The following NAV1 variants were observed in gnomAD, a reference collection of about 807,000 sequenced individuals.
NAV1 encodes the protein neuron navigator 1, also known as pore membrane and/or filament interacting like protein 3.
A neutral mutation model predicts 175.2 loss-of-function variants in NAV1; 18 were observed. The observed-to-expected ratio is 0.10, with a 90% CI of 0.07 to 0.15. The LOEUF is 0.15. Among genes scored for constraint, NAV1 ranks in the 10% least tolerant of loss-of-function variants. The pLI, the probability that NAV1 is intolerant of heterozygous loss-of-function variation, is 1.00. For synonymous variants in NAV1, 897 were observed against 978.7 expected, an observed-to-expected ratio of 0.92 and a Z score of 1.56; for missense variants, 1,731 against 2,436.6, an observed-to-expected ratio of 0.71 and a Z score of 6.10.
intron 1 of NAV1, among the ~76,000 whole-genome samples, chr1:201,667,577 T>G (rs1334270399): frequency 6.6e-6 from 1 of 152,202 alleles, no homozygotes; most frequent in Non-Finnish European, 1.5e-5. Context: ...TCTTGGTTCT[T>G]ATTTTAGACA....
At position 201,812,392 on chromosome 1, in the gene NAV1, G is replaced by T; in HGVS notation, c.5025-73G>T. On this transcript the variant is annotated intron_variant, in intron 26 of 29. Coordinates refer to ENST00000367296, the Ensembl canonical transcript of NAV1. The surrounding 1 kb of genome is among the most constrained non-coding windows in gnomAD (Gnocchi z 4.6). ...TGAGAAGCAGGCAGAAGGAGGGACAGACTGGCAGGGGCTGAACCCTGACAA... is the reference window on the plus strand; with the variant it reads ...TGAGAAGCAGGCAGAAGGAGGGACATACTGGCAGGGGCTGAACCCTGACAA... The T allele has an allele frequency of 6.8e-7, 1 of 1,460,626 alleles. No homozygotes were observed. The highest frequency in any genetic ancestry group is 1.2e-5 in the South Asian group (1 of 83,762). The allele number at this position is 1,460,626 out of a possible 1,614,324, so 90.5% of individuals were successfully genotyped here. A position where few individuals can be genotyped will look rare whatever the true frequency, so the allele number is the denominator to read the frequency against.
chr1:201,707,385 T>C (rs1325890387), intron 1 of NAV1, among the ~76,000 whole-genome samples: 1 of 152,172 alleles, frequency 6.6e-6, no homozygotes. Context: ...ACTATAAGCA[T>C]GTTTGTGAAT....
At chr1:201,706,562 C>T (rs1262630812) in intron 1 of NAV1, among the ~76,000 whole-genome samples, 1 of 152,182 alleles carries the variant, frequency 6.6e-6, no homozygotes, top group African/African-American at 2.4e-5. Context: ...GTTCCCCCAC[C>T]ACCACCCTGA....
intron 2 of NAV1, among the ~76,000 whole-genome samples, chr1:201,639,522 G>C (rs1571856916): frequency 6.6e-6 from 1 of 152,174 alleles, no homozygotes; most frequent in Admixed American, 6.5e-5. Flanking sequence ...TAGCCTGGGG[G>C]CCGGGACACT....
At chr1:201,790,821 C>A in intron 13 of NAV1, 55 bp downstream of exon 17, 1 of 1,579,244 alleles carries the variant, frequency 6.3e-7, no homozygotes, top group Non-Finnish European at 8.7e-7. Flanking sequence ...TATCGTTAGA[C>A]AAGTTCAGCC....
intron 1 of NAV1, among the ~76,000 whole-genome samples, chr1:201,584,911 G>A (rs928252248): frequency 6.6e-6 from 1 of 152,208 alleles, no homozygotes; most frequent in African/African-American, 2.4e-5. Flanking sequence ...GCATCCCACG[G>A]GAGAGGAGAA....
chr1:201,591,098 T>G (rs915461973), intron 2 of NAV1, among the ~76,000 whole-genome samples: 5 of 152,282 alleles, frequency 3.3e-5, no homozygotes, highest in African/African-American at 1.2e-4. Flanking sequence ...ATTCCTGGCC[T>G]TTAGAGTGGT....
intron 1 of NAV1, 85 bp from the exon 6 acceptor site, chr1:201,712,732 C>G (rs1671961607): frequency 1.1e-6 from 1 of 913,028 alleles, no homozygotes; most frequent in Non-Finnish European, 1.8e-6. Context: ...CTCCTGGGGA[C>G]ACTGTCAATC....
At chr1:201,720,073 A>G (rs732813) in intron 3 of NAV1, among the ~76,000 whole-genome samples, 80,950 of 152,182 alleles carry the variant, frequency 0.53, 21,774 homozygotes, top group Admixed American at 0.66. Flanking sequence ...GCTCAGATCC[A>G]CCAGCCTGGA....
At chr1:201,693,301 C>T (rs1310412970) in intron 1 of NAV1, among the ~76,000 whole-genome samples, 1 of 152,180 alleles carries the variant, frequency 6.6e-6, no homozygotes, top group Admixed American at 6.5e-5. Context: ...CAGGCTGCAG[C>T]AGGGACCCTA....
chr1:201,586,629 C>A (rs184003165), intron 1 of NAV1, among the ~76,000 whole-genome samples: 113 of 151,886 alleles, frequency 7.4e-4, no homozygotes, highest in African/African-American at 2.7e-3. Context: ...AGTGGGCAGG[C>A]ACACATGGGG....
At position 201,790,592 on chromosome 1, in the gene NAV1, C is replaced by T. The variant is rs748544917; in HGVS notation, c.3243+15C>T. On this transcript the variant is annotated intron_variant, in intron 12 of 29. Transcript: ENST00000367296. ...TGCAATCTGAGGTAGGGTGGAAAGC[C>T]TTTGTCTCTGCTTGTTAACATCACT... 1.1e-5 allele frequency: 18 copies of T among 1,613,964 alleles called. No individual in the cohort carries two copies. Among genetic ancestry groups the T allele is most frequent in the Middle Eastern group, 1.6e-4 (1 of 6,084 alleles).
chr1:201,651,291 C>G (rs777535895), intron 1 of NAV1, among the ~76,000 whole-genome samples: 2 of 152,044 alleles, frequency 1.3e-5, no homozygotes, highest in Non-Finnish European at 2.9e-5. Context: ...GGGTCCTCTC[C>G]AGACCTGGAT....
Position 201,740,139 on chromosome 1 carries a change from A to T in NAV1, c.1226+21384A>T. 7.7e-7 allele frequency: 1 copy of T among 1,297,988 alleles called. No individual in the cohort carries two copies. The highest frequency in any genetic ancestry group is 1.0e-6 in the Non-Finnish European group (1 of 984,268). The allele number at this position is 1,297,988 out of a possible 1,614,324, so 80.4% of individuals were successfully genotyped here. The stretch of plus-strand genomic sequence containing the variant: ...GCAGAGCTGGGGTCGGGTTTGTGGC[A>T]CCCCCAGCCCCGCCGCAGCCCCCCA... On this transcript the variant is annotated intron_variant, in intron 3 of 29. Transcript: ENST00000367296. This position sits in a 1 kb window ranked among gnomAD's most constrained non-coding sequence, Gnocchi z 4.7.
chr1:201,649,419 A>G (rs752175358), exon 1 of NAV1: 7 of 1,550,890 alleles, frequency 4.5e-6, no homozygotes, highest in Non-Finnish European at 6.1e-6. Context: ...CTTCAGCCAG[A>G]TGCTGGGTAA....
In NAV1 at chr1:201,782,257, G is replaced by A. The variant is rs752944957; in HGVS notation, c.1745G>A (p.Gly582Asp). 1.9e-6 allele frequency: 3 copies of A among 1,614,200 alleles called. No individual in the cohort carries two copies. The highest frequency in any genetic ancestry group is 1.6e-4 in the Middle Eastern group (1 of 6,062). The change falls in exon 6 of 30, where the codon GGT (glycine) becomes GAT (aspartate). Residue 582 changes from glycine (G) to aspartate (D), a missense_variant. Transcript: ENST00000367296. This position sits in a 1 kb window ranked among gnomAD's most constrained non-coding sequence, Gnocchi z 5.4. ...CTCCAACGCTCCTCCTCTGATGCTG[G>A]TCGGGACCGCCTGAGTGATGCTAAG...
intron 3 of NAV1, among the ~76,000 whole-genome samples, chr1:201,743,235 G>A (rs573066497): frequency 1.3e-5 from 2 of 152,310 alleles, no homozygotes; most frequent in South Asian, 2.1e-4. Flanking sequence ...ACCAATACCA[G>A]TTGAGGCCCC....
exon 4 of NAV1, chr1:201,780,447 G>A: frequency 1.2e-6 from 2 of 1,614,224 alleles, no homozygotes; most frequent in Non-Finnish European, 1.7e-6. Flanking sequence ...TCCATCAGTA[G>A]TGGACTCAGC....
chr1:201,706,445 A>G (rs2102456096), intron 1 of NAV1, among the ~76,000 whole-genome samples: 1 of 152,284 alleles, frequency 6.6e-6, no homozygotes. Context: ...AGCCCACAGC[A>G]TGGAGTGCTG....
Sources: allele counts gnomAD v4.1 joint callset (sites outside exome capture counted in the v4.1 genomes callset), GRCh38; gene constraint gnomAD v4.1.1; non-coding constraint Gnocchi (gnomAD v3.1); transcripts MANE v1.5; gene names NCBI Gene and HGNC (gene_info 2026-07-23, HGNC 2026-07-21).